COP1: variants seen among roughly 807,000 people sequenced by gnomAD.
COP1 encodes the protein COP1 E3 ubiquitin ligase, also known as E3 ubiquitin-protein ligase COP1.
COP1 carries 24 observed loss-of-function variants against 101.3 expected under a neutral mutation model. The ratio of observed to expected loss-of-function variants is 0.24; its 90% CI spans 0.17 to 0.33. The LOEUF is 0.33. Ranked by LOEUF, COP1 falls within the 10% of genes least tolerant of loss-of-function variation. COP1 has a pLI of 1.00. For synonymous variants in COP1, 347 were observed against 341.9 expected (o/e 1.01, Z -0.17); for missense variants, 663 against 906.2 (o/e 0.73, Z 3.45).
chr1:175,972,994 G>A lies in COP1; in HGVS notation c.2133+13949C>T, dbSNP rs533374888. Reference sequence around the variant, plus strand: ...ATTACAGGCATGCGCCACCACACCCGGGTAATTTTGTATTTTCAGTAGAGA... The same window carrying A: ...ATTACAGGCATGCGCCACCACACCCAGGTAATTTTGTATTTTCAGTAGAGA... On this transcript the variant is annotated intron_variant, in intron 18 of 19. Transcript: ENST00000367669. Among the ~76,000 whole-genome samples the A allele has an allele frequency of 1.2e-4, 18 of 151,340 alleles. No individual in the cohort carries two copies. The East Asian group carries it at 2.4e-3, about 20-fold the overall frequency.
At chr1:176,151,362 AAAGAAAGAAAGAAAGAAAG>A (rs1176551312) in intron 5 of COP1, among the ~76,000 whole-genome samples, 1 of 58,738 alleles carries the variant, frequency 1.7e-5, no homozygotes, top group East Asian at 9.3e-4. Context: ...AAAAAGAAAG[AAAGAAAGAAAGAAAGAAAG>A]AAAGAAAGAA....
chr1:175,957,050 A>T (rs947718419), intron 18 of COP1, among the ~76,000 whole-genome samples: 18 of 152,144 alleles, frequency 1.2e-4, no homozygotes, highest in Non-Finnish European at 1.0e-4. Flanking sequence ...TTTTAAGCTA[A>T]AAGTTATTAC....
chr1:176,137,153 A>C (rs1461333836), intron 6 of COP1, among the ~76,000 whole-genome samples: 1 of 152,196 alleles, frequency 6.6e-6, no homozygotes, highest in Non-Finnish European at 1.5e-5. Flanking sequence ...AAGGGTTTTA[A>C]AAACATATTT....
intron 11 of COP1, among the ~76,000 whole-genome samples, chr1:176,078,628 A>AC (rs1048342567): frequency 1.3e-5 from 2 of 151,724 alleles, no homozygotes; most frequent in Non-Finnish European, 2.9e-5. Flanking sequence ...CAAAAAAAAA[A>AC]ACAAAAATTG....
chr1:176,034,684 A>C (rs1669189419), intron 14 of COP1, among the ~76,000 whole-genome samples: 1 of 152,216 alleles, frequency 6.6e-6, no homozygotes, highest in African/African-American at 2.4e-5. Flanking sequence ...TCACTGGCAC[A>C]GTCACTTCTG....
At chr1:176,007,933 C>G (rs1010728240) in intron 15 of COP1, among the ~76,000 whole-genome samples, 1 of 152,212 alleles carries the variant, frequency 6.6e-6, no homozygotes, top group South Asian at 2.1e-4. Context: ...GCGGGCGCCC[C>G]TCCCCCAGCC....
At chr1:176,142,249 T>C (rs1199480587) in intron 6 of COP1, among the ~76,000 whole-genome samples, 1 of 150,962 alleles carries the variant, frequency 6.6e-6, no homozygotes, top group Non-Finnish European at 1.5e-5. Flanking sequence ...ACATTATAGA[T>C]AAATCAAAAT....
rs945267429 is a variant in COP1 at position 175,945,839 on chromosome 1, C to A, written c.2179-669G>T. Among the ~76,000 whole-genome samples, 4 of 152,180 alleles carry A rather than the reference C, an allele frequency of 2.6e-5. No homozygotes were observed. The East Asian group carries it at 5.8e-4, about 22-fold the overall frequency. On this transcript the variant is annotated intron_variant, in intron 19 of 19. Coordinates refer to ENST00000367669, the MANE Select transcript of COP1 (RefSeq NM_022457.7). ...AAGTAGCAAATATTTAAACGTGCAACCTTTCCCCTGCTGCTCAGCTAAGGC... is the reference window on the plus strand; with the variant it reads ...AAGTAGCAAATATTTAAACGTGCAAACTTTCCCCTGCTGCTCAGCTAAGGC...
chr1:176,017,518 T>G (rs561712766), intron 15 of COP1: 257 of 152,212 alleles, frequency 1.7e-3, no homozygotes, highest in African/African-American at 6.0e-3. Flanking sequence ...CAGATATCAT[T>G]ACTTTTATTT....
chr1:175,970,296 G>T (rs1652983319), intron 18 of COP1, among the ~76,000 whole-genome samples: 1 of 152,078 alleles, frequency 6.6e-6, no homozygotes, highest in Admixed American at 6.6e-5. Flanking sequence ...AAAATGATGA[G>T]AACTTAGTTA....
intron 18 of COP1, among the ~76,000 whole-genome samples, chr1:175,964,252 T>A (rs1267181040): frequency 6.6e-6 from 1 of 152,060 alleles, no homozygotes; most frequent in East Asian, 1.9e-4. Flanking sequence ...CAGAAGGTAA[T>A]AAATGACACA....
chr1:176,059,302 T>C (rs1258249473), intron 11 of COP1, among the ~76,000 whole-genome samples: 2 of 152,222 alleles, frequency 1.3e-5, no homozygotes, highest in African/African-American at 2.4e-5. Context: ...TATCTTTGTA[T>C]GGCAATAAAA....
intron 8 of COP1, among the ~76,000 whole-genome samples, chr1:176,131,862 T>C (rs57729493): frequency 0.067 from 10,192 of 151,790 alleles, 426 homozygotes; most frequent in Middle Eastern, 0.12. Flanking sequence ...TCAGAGAAAA[T>C]ATCAAAACAC....
At chr1:176,035,867 T>C (rs1669447345) in intron 14 of COP1, among the ~76,000 whole-genome samples, 1 of 152,088 alleles carries the variant, frequency 6.6e-6, no homozygotes, top group African/African-American at 2.4e-5. Context: ...GTTCATATTC[T>C]GGACCATAAA....
intron 1 of COP1, among the ~76,000 whole-genome samples, chr1:176,188,764 C>CT (rs1240203400): frequency 6.6e-6 from 1 of 151,998 alleles, no homozygotes; most frequent in Non-Finnish European, 1.5e-5. Flanking sequence ...CCTCCACCAA[C>CT]CTGCTATTTC....
intron 8 of COP1, among the ~76,000 whole-genome samples, chr1:176,122,556 G>T (rs1221411985): frequency 1.3e-5 from 2 of 152,072 alleles, no homozygotes; most frequent in African/African-American, 4.8e-5. Context: ...AAGACATAGG[G>T]GTAATTTATT....
intron 10 of COP1, among the ~76,000 whole-genome samples, chr1:176,083,346 G>A (rs1321216447): frequency 6.6e-6 from 1 of 152,050 alleles, no homozygotes; most frequent in Admixed American, 6.6e-5. Context: ...CCTGTTCTAG[G>A]CTAACTGGAT....
chr1:176,158,535 T>C (rs899163947), intron 5 of COP1, among the ~76,000 whole-genome samples: 5 of 151,980 alleles, frequency 3.3e-5, no homozygotes, highest in Admixed American at 2.6e-4. Flanking sequence ...AACAACGTAT[T>C]GTGGAATATA....
At chr1:176,156,844 T>A (rs530918754) in intron 5 of COP1, among the ~76,000 whole-genome samples, 4 of 152,104 alleles carry the variant, frequency 2.6e-5, no homozygotes, top group African/African-American at 9.6e-5. Context: ...AGTAGACAAT[T>A]ATAATAATAA....
Sources: gnomAD v4.1 joint callset for allele counts (sites outside exome capture counted in the v4.1 genomes callset) on GRCh38, gnomAD v4.1.1 for gene constraint, MANE v1.5 for transcripts, NCBI Gene and HGNC (gene_info 2026-07-23, HGNC 2026-07-21) for gene names.